Variants in SHOC2 observed in about 807,000 individuals in gnomAD.
SHOC2 encodes leucine-rich repeat protein SHOC-2.
Under a neutral mutation model 50.2 loss-of-function variants are expected in SHOC2, and 4 were observed. That is an observed-to-expected ratio of 0.08 (90% CI 0.04 to 0.18). The LOEUF is 0.18. SHOC2 is among the 10% of genes least tolerant of loss of function. The probability of loss-of-function intolerance (pLI) is 1.00; values close to 1 mark genes in which losing one functional copy is unlikely to be tolerated. For missense variants in SHOC2, 388 were observed against 669.6 expected (o/e 0.58, Z 4.64); for synonymous variants, 218 against 244.5 (o/e 0.89, Z 1.01).
intron 1 of SHOC2, among the ~76,000 whole-genome samples, chr10:110,928,191 C>A (rs1231210546): frequency 6.6e-6 from 1 of 151,976 alleles, no homozygotes; most frequent in Non-Finnish European, 1.5e-5. Context: ...GTGACGCATG[C>A]CTGTAATCCC....
intron 1 of SHOC2, among the ~76,000 whole-genome samples, chr10:110,930,287 A>G (rs1372194011): frequency 6.6e-6 from 1 of 152,208 alleles, no homozygotes; most frequent in Non-Finnish European, 1.5e-5. Flanking sequence ...ACTGATACTC[A>G]AATATAAGAT....
In SHOC2 at chr10:110,978,583, C is replaced by A. The variant is rs144897415; in HGVS notation, c.704-7045C>A. Among the ~76,000 whole-genome samples the A allele has an allele frequency of 2.8e-3, 422 of 152,348 alleles. 1 individual carries two copies. The highest frequency in any genetic ancestry group is 9.9e-3 in the African/African-American group (412 of 41,576). On this transcript the variant is annotated intron_variant, in intron 2 of 8. Transcript: ENST00000369452. ...CTTGACAAGACTGAAAATCCAAACT[C>A]TTAAAGACCACAGTTGGCAACTGTT...
intron 1 of SHOC2, among the ~76,000 whole-genome samples, chr10:110,924,868 G>A (rs527611470): frequency 6.6e-6 from 1 of 152,048 alleles, no homozygotes; most frequent in Admixed American, 6.5e-5. Flanking sequence ...TCAGGAGTTT[G>A]AGACCAGCCT....
chr10:111,009,407 TAGTTTTATA>T (rs756648497), intron 7 of SHOC2, 22 bp downstream of exon 7: 38 of 1,593,616 alleles, frequency 2.4e-5, no homozygotes, highest in Non-Finnish European at 2.6e-5. Context: ...GCTGATTTTG[TAGTTTTATA>T]AAGTTTTTGG....
At chr10:110,936,836 C>T (rs1449238073) in intron 1 of SHOC2, 2 of 1,330,464 alleles carry the variant, frequency 1.5e-6, no homozygotes, top group Non-Finnish European at 2.2e-6. Context: ...GGCAAACTTT[C>T]TTGTAGGCTT....
chr10:111,011,387 A>T (rs369797747), intron 8 of SHOC2, among the ~76,000 whole-genome samples: 11 of 152,182 alleles, frequency 7.2e-5, no homozygotes, highest in African/African-American at 2.7e-4. Flanking sequence ...TTTAGTTTGT[A>T]TGAAGTGTGA....
chr10:110,958,734 T>C (rs546689841), intron 1 of SHOC2, among the ~76,000 whole-genome samples: 2 of 152,266 alleles, frequency 1.3e-5, no homozygotes, highest in African/African-American at 4.8e-5. Flanking sequence ...TTTTCTTTTT[T>C]TTTTTGTTCC....
rs958219170 is a variant in SHOC2 at position 111,012,975 on chromosome 10, C to A, written c.*1157C>A. 1.3e-5 allele frequency: 2 copies of A among 152,624 alleles called. No individual in the cohort carries two copies. The highest frequency in any genetic ancestry group is 2.9e-5 in the Non-Finnish European group (2 of 68,036). The allele number at this position is 152,624 out of a possible 1,614,324, so 9.5% of individuals were successfully genotyped here. The stretch of plus-strand genomic sequence containing the variant: ...GCTGAACTAAATGCACTTTTCCCCA[C>A]ATATGGGGCACTGGCTTCAAACAAT... On this transcript the variant is annotated 3_prime_UTR_variant, in exon 9 of 9. Coordinates refer to ENST00000369452, the MANE Select transcript of SHOC2 (RefSeq NM_007373.4).
chr10:111,011,822 A>G lies in SHOC2; in HGVS notation c.*4A>G. ...TCCATATCGTGCCATGGTCTGATATAAATCTGCTGGTCCCACACACTGTTC... is the reference window on the plus strand; with the variant it reads ...TCCATATCGTGCCATGGTCTGATATGAATCTGCTGGTCCCACACACTGTTC... On this transcript the variant is annotated 3_prime_UTR_variant, in exon 9 of 9. Coordinates refer to ENST00000369452, the MANE Select transcript of SHOC2 (RefSeq NM_007373.4). 2.5e-6 allele frequency: 4 copies of G among 1,608,878 alleles called. No homozygotes were observed. The highest frequency in any genetic ancestry group is 3.4e-6 in the Non-Finnish European group (4 of 1,175,244).
At chr10:110,993,360 C>T (rs911977782) in intron 3 of SHOC2, among the ~76,000 whole-genome samples, 4 of 152,108 alleles carry the variant, frequency 2.6e-5, no homozygotes, top group Admixed American at 6.5e-5. Context: ...TTTCTTCTGG[C>T]GTAAAAGAGT....
At chr10:110,996,601 A>G (rs775706178) in intron 3 of SHOC2, among the ~76,000 whole-genome samples, 1 of 152,048 alleles carries the variant, frequency 6.6e-6, no homozygotes, top group Non-Finnish European at 1.5e-5. Flanking sequence ...TGAGAATACA[A>G]ATAGAATTTT....
chr10:110,924,256 A>G (rs1287634430), intron 1 of SHOC2, among the ~76,000 whole-genome samples: 1 of 152,210 alleles, frequency 6.6e-6, no homozygotes, highest in Non-Finnish European at 1.5e-5. Context: ...AGTTTGTTGC[A>G]TGAACCGGAC....
chr10:110,941,021 T>G (rs1350645854), intron 1 of SHOC2, among the ~76,000 whole-genome samples: 1 of 149,040 alleles, frequency 6.7e-6, no homozygotes, highest in Non-Finnish European at 1.5e-5. Flanking sequence ...AACCTCCATG[T>G]CCTGCGCTCA....
chr10:110,964,272 G>T lies in SHOC2; in HGVS notation c.-87G>T. 3 of 1,541,778 alleles carry T rather than the reference G, an allele frequency of 1.9e-6. No homozygotes were observed. Among genetic ancestry groups the T allele is most frequent in the Non-Finnish European group, 2.6e-6 (3 of 1,146,966 alleles). On this transcript the variant is annotated 5_prime_UTR_variant, in exon 2 of 9. Transcript: ENST00000369452. This position sits in a 1 kb window ranked among gnomAD's most constrained non-coding sequence, Gnocchi z 4.9. ...TCTTCAAGCCAGTACTTTTTTGATT[G>T]TGTAGGATCTTTGTCTCTTCATCTT...
intron 1 of SHOC2, chr10:110,937,361 T>C (rs1289730832): frequency 3.3e-6 from 2 of 604,014 alleles, no homozygotes; most frequent in Non-Finnish European, 3.0e-6. Context: ...TGGGTTTGCT[T>C]TTCTGACTGT....
intron 1 of SHOC2, among the ~76,000 whole-genome samples, chr10:110,927,732 G>C (rs1032841151): frequency 2.0e-5 from 3 of 152,190 alleles, no homozygotes; most frequent in African/African-American, 7.2e-5. Context: ...ACCGCAAAAT[G>C]ATGTGAGATT....
intron 6 of SHOC2, 68 bp downstream of exon 6, chr10:111,007,721 T>C: frequency 6.7e-7 from 1 of 1,496,454 alleles, no homozygotes; most frequent in Non-Finnish European, 9.3e-7. Flanking sequence ...AAATTTCAAA[T>C]TTAAATAAGC....
intron 1 of SHOC2, among the ~76,000 whole-genome samples, chr10:110,932,876 A>G (rs1052909090): frequency 2.0e-5 from 3 of 152,340 alleles, no homozygotes; most frequent in South Asian, 2.1e-4. Flanking sequence ...CCAAATGAAA[A>G]TATACTTTTT....
chr10:110,954,459 CAA>C (rs1424269775), intron 1 of SHOC2, among the ~76,000 whole-genome samples: 2 of 152,116 alleles, frequency 1.3e-5, no homozygotes, highest in East Asian at 3.9e-4. Context: ...AGCAGATTCT[CAA>C]GTCACTTTGA....
Sources: allele counts gnomAD v4.1 joint callset (sites outside exome capture counted in the v4.1 genomes callset), GRCh38; gene constraint gnomAD v4.1.1; non-coding constraint Gnocchi (gnomAD v3.1); transcripts MANE v1.5; gene names NCBI Gene and HGNC (gene_info 2026-07-23, HGNC 2026-07-21).